Variants in FLNB observed in about 807,000 individuals in gnomAD.
The protein encoded by FLNB is filamin B, also known as filamin-B.
FLNB carries 111 observed loss-of-function variants against 250.6 expected under a neutral mutation model. That is an observed-to-expected ratio of 0.44 (90% CI 0.38 to 0.52). FLNB has a LOEUF of 0.52. FLNB is among the 20% of genes least tolerant of loss of function. The probability of loss-of-function intolerance (pLI) is 0.00; values close to 1 mark genes in which losing one functional copy is unlikely to be tolerated. For missense variants in FLNB, 2,869 were observed against 3,447.8 expected (o/e 0.83, Z 4.20); for synonymous variants, 1,302 against 1,372.1 (o/e 0.95, Z 1.13).
chr3:58,075,750 C>G (rs1414067182), intron 1 of FLNB, among the ~76,000 whole-genome samples: 1 of 152,054 alleles, frequency 6.6e-6, no homozygotes, highest in African/African-American at 2.4e-5. Context: ...ATAGAATTGA[C>G]ACATTGTGGA....
At chr3:58,103,884 C>G (rs1440307492) in intron 9 of FLNB, 75 bp from the exon 10 acceptor site, 1 of 1,584,768 alleles carries the variant, frequency 6.3e-7, no homozygotes, top group South Asian at 1.1e-5. Flanking sequence ...GTGGCTGCCT[C>G]TCTGTTCTTG....
intron 10 of FLNB, 116 bp downstream of exon 10, chr3:58,104,201 T>G: frequency 1.4e-6 from 1 of 711,556 alleles, no homozygotes; most frequent in Non-Finnish European, 2.0e-6. Flanking sequence ...TTGAAAACTT[T>G]TTTTTTTTTT....
At chr3:58,039,689 A>C (rs1456574276) in intron 1 of FLNB, among the ~76,000 whole-genome samples, 14 of 152,230 alleles carry the variant, frequency 9.2e-5, no homozygotes, top group Non-Finnish European at 7.3e-5. Context: ...CAGAGAATGC[A>C]GAAGTGCCCT....
intron 11 of FLNB, among the ~76,000 whole-genome samples, chr3:58,106,072 G>A (rs945410828): frequency 2.0e-5 from 3 of 151,880 alleles, no homozygotes; most frequent in Non-Finnish European, 2.9e-5. Context: ...GTAAATATAG[G>A]GTATGCCTTC....
At chr3:58,078,942 T>G (rs555741628) in intron 3 of FLNB, 128 bp downstream of exon 3, 40 of 689,976 alleles carry the variant, frequency 5.8e-5, no homozygotes, top group South Asian at 4.6e-4. Flanking sequence ...CCTGTGATGC[T>G]CTCTCATCTT....
chr3:58,053,087 T>A (rs984413760), intron 1 of FLNB, among the ~76,000 whole-genome samples: 7 of 152,222 alleles, frequency 4.6e-5, no homozygotes, highest in Admixed American at 4.6e-4. Flanking sequence ...GATCATTCAG[T>A]GGCAGAATGG....
Position 58,148,371 on chromosome 3 carries a change from T to C in FLNB, c.5887+7T>C. 6.2e-7 allele frequency: 1 copy of C among 1,612,700 alleles called. No homozygotes were observed. The highest frequency in any genetic ancestry group is 8.5e-7 in the Non-Finnish European group (1 of 1,179,496). Reference sequence around the variant, plus strand: ...CTGCCCAACAACCACATTGGTGAGCTAGGCTACCCTTCCTGGCTGGAGCCA... The same window carrying C: ...CTGCCCAACAACCACATTGGTGAGCCAGGCTACCCTTCCTGGCTGGAGCCA... On this transcript the variant is annotated splice_region_variant and intron_variant, in intron 35 of 45. Coordinates refer to ENST00000295956, the MANE Select transcript of FLNB (RefSeq NM_001457.4).
chr3:58,036,411 G>A (rs1232494315), intron 1 of FLNB, among the ~76,000 whole-genome samples: 1 of 152,178 alleles, frequency 6.6e-6, no homozygotes, highest in Non-Finnish European at 1.5e-5. Flanking sequence ...GAAGTGGGGA[G>A]TGCTGATTGG....
intron 4 of FLNB, among the ~76,000 whole-genome samples, chr3:58,090,949 G>A (rs1224409189): frequency 6.6e-6 from 1 of 152,012 alleles, no homozygotes; most frequent in African/African-American, 2.4e-5. Context: ...GTGGTGGTGG[G>A]TGCCTGTAGT....
chr3:58,107,021 TTG>T (rs1456474330), intron 12 of FLNB, 148 bp downstream of exon 12: 9 of 692,666 alleles, frequency 1.3e-5, no homozygotes, highest in South Asian at 9.8e-5. Context: ...ATTTGTTTGT[TTG>T]TTTGTTTGTT....
Position 58,123,234 on chromosome 3 carries a change from A to G in FLNB, c.3268A>G (p.Asn1090Asp), listed in dbSNP as rs745468660. The change falls in exon 21 of 46, where the codon AAT (asparagine) becomes GAT (aspartate). Residue 1090 changes from asparagine (N) to aspartate (D), a missense_variant. This residue lies in a region of FLNB where 1,348 missense variants were observed against 1,466.7 expected (regional missense o/e 0.92). Coordinates refer to ENST00000295956, the MANE Select transcript of FLNB (RefSeq NM_001457.4). ...CGAGGCCAAAATCGAGTGCTCCGAC[A>G]ATGGTGATGGGACCTGCTCCGTCTC... ...PCEAKIECSD[N>D]GDGTCSVSYL... 1 of 1,614,108 alleles carries G rather than the reference A, an allele frequency of 6.2e-7. No individual in the cohort carries two copies. Among genetic ancestry groups the G allele is most frequent in the East Asian group, 2.2e-5 (1 of 44,880 alleles).
intron 1 of FLNB, among the ~76,000 whole-genome samples, chr3:58,026,162 T>C (rs924121969): frequency 4.6e-5 from 7 of 152,184 alleles, no homozygotes; most frequent in Non-Finnish European, 8.8e-5. Flanking sequence ...TCAGGGCTTC[T>C]TGGAGGAGGG....
Position 58,142,593 on chromosome 3 carries a change from T to C in FLNB, c.5182-57T>C. 1 of 1,462,428 alleles carries C rather than the reference T, an allele frequency of 6.8e-7. No individual in the cohort carries two copies. Among genetic ancestry groups the C allele is most frequent in the Non-Finnish European group, 9.6e-7 (1 of 1,044,730 alleles). The allele number at this position is 1,462,428 out of a possible 1,614,324, so 90.6% of individuals were successfully genotyped here. A position where few individuals can be genotyped will look rare whatever the true frequency, so the allele number is the denominator to read the frequency against. ...TCCCAGCAGCTCTAACCCCTGTAGC[T>C]TCACCAGCTCCCGCTGTTGTCTGCT... On this transcript the variant is annotated intron_variant, in intron 30 of 45. Coordinates refer to ENST00000295956, the MANE Select transcript of FLNB (RefSeq NM_001457.4). This position sits in a 1 kb window ranked among gnomAD's most constrained non-coding sequence, Gnocchi z 4.3.
In FLNB at chr3:58,110,111, G is replaced by A. The variant is rs1237703976; in HGVS notation, c.2425G>A (p.Val809Ile). The A allele has an allele frequency of 1.9e-6, 3 of 1,614,226 alleles. No homozygotes were observed. Among genetic ancestry groups the A allele is most frequent in the Non-Finnish European group, 2.5e-6 (3 of 1,180,046 alleles). ...IIHNANDTFT[V>I]KYVPPAAGRY... is the part of the protein sequence containing the mutation. ...TCACAATGCCAATGATACGTTCACA[G>A]TCAAATATGTGCCTCCTGCTGCTGG... The change falls in exon 16 of 46, where the codon GTC becomes ATC. Residue 809 changes from valine (V) to isoleucine (I), a missense_variant. Physicochemically the swap from Val to Ile is conservative, Grantham distance 29. Around this residue, in one of 5 missense-constraint regions of FLNB, gnomAD observed 1,348 missense variants for 1,466.7 expected, o/e 0.92. Coordinates refer to ENST00000295956, the MANE Select transcript of FLNB (RefSeq NM_001457.4).
intron 1 of FLNB, among the ~76,000 whole-genome samples, chr3:58,042,204 G>A (rs1023625865): frequency 3.9e-5 from 6 of 152,194 alleles, no homozygotes; most frequent in African/African-American, 1.4e-4. Flanking sequence ...GCCTGGAAAT[G>A]TGGCTGTAGT....
chr3:58,158,165 G>C (rs1046906099), intron 41 of FLNB, among the ~76,000 whole-genome samples: 4 of 152,102 alleles, frequency 2.6e-5, no homozygotes, highest in Non-Finnish European at 5.9e-5. Flanking sequence ...TCTGTGTTCT[G>C]TCCTCCCTCC....
At chr3:58,040,909 GA>G (rs2097145197) in intron 1 of FLNB, among the ~76,000 whole-genome samples, 1 of 151,900 alleles carries the variant, frequency 6.6e-6, no homozygotes, top group South Asian at 2.1e-4. Flanking sequence ...ATTTTTTTTG[GA>G]TCATAGAATG....
intron 18 of FLNB, among the ~76,000 whole-genome samples, chr3:58,115,475 A>G (rs905901095): frequency 6.6e-6 from 1 of 152,184 alleles, no homozygotes; most frequent in African/African-American, 2.4e-5. Flanking sequence ...CATCCTTGGA[A>G]AGGACTGCAG....
chr3:58,060,346 G>T (rs2097176234), intron 1 of FLNB, among the ~76,000 whole-genome samples: 1 of 127,148 alleles, frequency 7.9e-6, no homozygotes, highest in Non-Finnish European at 1.7e-5. Flanking sequence ...GTGAGACCCT[G>T]TCTCTCTTTT....
Sources: gnomAD v4.1 joint callset for allele counts (sites outside exome capture counted in the v4.1 genomes callset) on GRCh38, gnomAD v4.1.1 for gene constraint, gnomAD v4.1.1 regional missense constraint, Gnocchi (gnomAD v3.1) non-coding constraint, MANE v1.5 for transcripts, NCBI Gene and HGNC (gene_info 2026-07-23, HGNC 2026-07-21) for gene names.